The following FLT1 variants were observed in gnomAD, a reference collection of about 807,000 sequenced individuals.
FLT1 encodes the protein fms related receptor tyrosine kinase 1.
A neutral mutation model predicts 156.3 loss-of-function variants in FLT1; 49 were observed. The ratio of observed to expected loss-of-function variants is 0.31; its 90% CI spans 0.25 to 0.40. The LOEUF (loss-of-function observed/expected upper bound fraction) is 0.40. Ranked by LOEUF, FLT1 falls within the 10% of genes least tolerant of loss-of-function variation. FLT1 has a pLI of 1.00. For synonymous variants in FLT1, 594 were observed against 583.8 expected, an observed-to-expected ratio of 1.02 and a Z score of -0.25; for missense variants, 1,322 against 1,637.2, an observed-to-expected ratio of 0.81 and a Z score of 3.32.
intron 26 of FLT1, 127 bp downstream of exon 26, chr13:28,311,860 TACACAC>T: frequency 9.1e-7 from 1 of 1,098,410 alleles, no homozygotes; most frequent in South Asian, 1.3e-5. Context: ...TAATTCTGTA[TACACAC>T]ACACACACCC....
chr13:28,452,055 C>A (rs1382384850), intron 3 of FLT1, among the ~76,000 whole-genome samples: 2 of 152,214 alleles, frequency 1.3e-5, no homozygotes, highest in Admixed American at 6.5e-5. Context: ...ACTCTTCTAG[C>A]TATTAAGCAT....
chr13:28,423,447 A>T (rs1877133919), intron 10 of FLT1, among the ~76,000 whole-genome samples: 3 of 152,196 alleles, frequency 2.0e-5, no homozygotes, highest in Admixed American at 6.5e-5. Context: ...ACAAAACTGC[A>T]TTTTACATTC....
intron 3 of FLT1, among the ~76,000 whole-genome samples, chr13:28,448,353 A>G (rs908260176): frequency 2.0e-5 from 3 of 152,220 alleles, no homozygotes; most frequent in Non-Finnish European, 4.4e-5. Flanking sequence ...GGTGGAAGCA[A>G]CTCAAATGTC....
At chr13:28,304,883 A>T (rs1870676404) in intron 29 of FLT1, among the ~76,000 whole-genome samples, 1 of 152,186 alleles carries the variant, frequency 6.6e-6, no homozygotes, top group African/African-American at 2.4e-5. Context: ...CTTTTTATTG[A>T]CAATATTATA....
chr13:28,463,429 C>G (rs916640737), intron 3 of FLT1, among the ~76,000 whole-genome samples: 2 of 152,188 alleles, frequency 1.3e-5, no homozygotes. Flanking sequence ...CAGAGCTATA[C>G]TCCTGATTCT....
At chr13:28,427,446 A>G in intron 9 of FLT1, 128 bp from the exon 10 acceptor site, 1 of 884,366 alleles carries the variant, frequency 1.1e-6, no homozygotes, top group Non-Finnish European at 1.8e-6. Context: ...ACAAAAAAAC[A>G]AATAAACCCT....
At position 28,322,917 on chromosome 13, in the gene FLT1, T is replaced by C; in HGVS notation, c.2826A>G (p.Lys942=). ...GTTCCAGGCCTGGCTCCATTTTTTC[T>C]TTCTTAGGCTCCATGTGTAGTGCTG... ...KDAALHMEPK[K]EKMEPGLEQG... is the part of the protein sequence containing the mutation. Residue 942 remains lysine, a synonymous_variant, in exon 21 of 30, where the codon AAA becomes AAG. Transcript: ENST00000282397. The surrounding 1 kb of genome is among the most constrained non-coding windows in gnomAD (Gnocchi z 4.3). 6.2e-7 allele frequency: 1 copy of C among 1,614,156 alleles called. No homozygotes were observed. Among genetic ancestry groups the C allele is most frequent in the Non-Finnish European group, 8.5e-7 (1 of 1,180,026 alleles).
At chr13:28,388,346 A>C (rs1467934442) in intron 13 of FLT1, 1 of 1,057,932 alleles carries the variant, frequency 9.5e-7, no homozygotes, top group African/African-American at 1.6e-5. Flanking sequence ...TACCTAAAGG[A>C]GGAAACAGTC....
chr13:28,384,370 A>C (rs1309282829), intron 14 of FLT1, among the ~76,000 whole-genome samples: 2 of 149,448 alleles, frequency 1.3e-5, no homozygotes, highest in South Asian at 2.1e-4. Flanking sequence ...AATAGCTTGA[A>C]CCCAGGAGGA....
chr13:28,430,141 G>C lies in FLT1; in HGVS notation c.1015C>G (p.Arg339Gly). ...YDKAFITVKHRKQQVLETVAG... is the reference protein window; with the variant it reads ...YDKAFITVKHGKQQVLETVAG... ...ACGGTTTCAAGCACCTGCTGTTTTC[G>C]ATGTTTCACAGTGATGAATGCTTTA... The change falls in exon 8 of 30, where the codon CGA becomes GGA. Residue 339 changes from arginine (R) to glycine (G), a missense_variant. Physicochemically the swap from Arg to Gly is moderately radical, Grantham distance 125. Coordinates refer to ENST00000282397, the MANE Select transcript of FLT1 (RefSeq NM_002019.4). The C allele has an allele frequency of 1.2e-6, 2 of 1,613,180 alleles. No homozygotes were observed. Among genetic ancestry groups the C allele is most frequent in the Non-Finnish European group, 8.5e-7 (1 of 1,179,220 alleles).
At chr13:28,350,854 G>A (rs1872716488) in intron 15 of FLT1, among the ~76,000 whole-genome samples, 1 of 151,664 alleles carries the variant, frequency 6.6e-6, no homozygotes, top group Non-Finnish European at 1.5e-5. Flanking sequence ...TTATTTTGAA[G>A]CCTGCTTGCC....
At chr13:28,485,612 A>C (rs1356821668) in intron 1 of FLT1, among the ~76,000 whole-genome samples, 1 of 152,184 alleles carries the variant, frequency 6.6e-6, no homozygotes, top group Non-Finnish European at 1.5e-5. Context: ...GAAGTGTTAC[A>C]CAATGGTGTG....
At position 28,345,293 on chromosome 13, in the gene FLT1, T is replaced by C. The variant is rs372746616; in HGVS notation, c.2355+152A>G. On this transcript the variant is annotated intron_variant, in intron 16 of 29. Coordinates refer to ENST00000282397, the MANE Select transcript of FLT1 (RefSeq NM_002019.4). ...TTGTGGCTAGAGACATTTTGATGAT[T>C]TATTTTCTTTCTGTGTTCACCAGGT... 9 of 647,064 alleles carry C rather than the reference T, an allele frequency of 1.4e-5. No individual in the cohort carries two copies. The African/African-American group carries it at 1.4e-4, about 10-fold the overall frequency. The allele number at this position is 647,064 out of a possible 1,614,324, so 40.1% of individuals were successfully genotyped here.
chr13:28,354,653 A>C (rs927858013), intron 15 of FLT1, among the ~76,000 whole-genome samples: 2 of 152,156 alleles, frequency 1.3e-5, no homozygotes, highest in Non-Finnish European at 2.9e-5. Context: ...CTATATTTTC[A>C]GCTAACTACT....
intron 14 of FLT1, among the ~76,000 whole-genome samples, chr13:28,360,096 C>G (rs1028561560): frequency 2.0e-5 from 3 of 151,982 alleles, no homozygotes; most frequent in African/African-American, 7.3e-5. Flanking sequence ...GGTGACAGAG[C>G]GAGACTTTGT....
At chr13:28,389,432 T>C (rs145629945) in intron 13 of FLT1, 43 of 1,284,680 alleles carry the variant, frequency 3.3e-5, no homozygotes, top group Non-Finnish European at 4.2e-5. Context: ...CAAGTTGTTG[T>C]TTATCAGGCA....
At chr13:28,393,475 G>A (rs1042257961) in intron 12 of FLT1, among the ~76,000 whole-genome samples, 2 of 152,228 alleles carry the variant, frequency 1.3e-5, no homozygotes, top group Non-Finnish European at 2.9e-5. Flanking sequence ...TGGATGCTAT[G>A]TACAAGTGTG....
At chr13:28,493,844 G>A (rs886865768) in intron 1 of FLT1, among the ~76,000 whole-genome samples, 9 of 152,254 alleles carry the variant, frequency 5.9e-5, no homozygotes, top group Non-Finnish European at 1.2e-4. Context: ...AACGCCCAGC[G>A]AAGGCTGACT....
rs117310776 is a variant in FLT1 at position 28,314,464 on chromosome 13, T to A, written c.3387-2366A>T. On this transcript the variant is annotated intron_variant, in intron 25 of 29. Coordinates refer to ENST00000282397, the MANE Select transcript of FLT1 (RefSeq NM_002019.4). Reference sequence around the variant, plus strand: ...GAAAGACATCTGATTCAACAGTATCTGGGCCAGGAACCAACAACTCAATGT... The same window carrying A: ...GAAAGACATCTGATTCAACAGTATCAGGGCCAGGAACCAACAACTCAATGT... Among the ~76,000 whole-genome samples, 448 of 152,326 alleles carry A rather than the reference T, an allele frequency of 2.9e-3. 2 individuals are homozygous for A. The highest frequency in any genetic ancestry group is 5.5e-3 in the Non-Finnish European group (371 of 68,024).
Sources: allele counts gnomAD v4.1 joint callset (sites outside exome capture counted in the v4.1 genomes callset), GRCh38; gene constraint gnomAD v4.1.1; non-coding constraint Gnocchi (gnomAD v3.1); transcripts MANE v1.5; gene names NCBI Gene and HGNC (gene_info 2026-07-23, HGNC 2026-07-21).